Variants in CMTM4 observed in about 807,000 individuals in gnomAD.
CMTM4 encodes CKLF-like MARVEL transmembrane domain-containing protein 4.
A neutral mutation model predicts 19.0 loss-of-function variants in CMTM4; 8 were observed. The observed-to-expected ratio is 0.42, with a 90% confidence interval of 0.25 to 0.76. The LOEUF is 0.76. CMTM4 is among the 30% of genes least tolerant of loss of function. CMTM4 has a pLI of 0.27. For synonymous variants in CMTM4, 106 were observed against 121.1 expected, an observed-to-expected ratio of 0.88 and a Z score of 0.82; for missense variants, 228 against 290.2, an observed-to-expected ratio of 0.79 and a Z score of 1.56.
At chr16:66,685,865 G>A (rs1408493062) in intron 1 of CMTM4, among the ~76,000 whole-genome samples, 2 of 152,090 alleles carry the variant, frequency 1.3e-5, no homozygotes, top group East Asian at 1.9e-4. Flanking sequence ...GGCTGGTCTC[G>A]AACTCCTGAG....
intron 1 of CMTM4, among the ~76,000 whole-genome samples, chr16:66,669,322 T>C (rs1431895113): frequency 6.6e-6 from 1 of 152,162 alleles, no homozygotes; most frequent in East Asian, 1.9e-4. Flanking sequence ...TGGATGTAAC[T>C]ACAAAGAAAG....
chr16:66,651,480 T>C lies in CMTM4; in HGVS notation c.187-14899A>G, dbSNP rs181381450. Among the ~76,000 whole-genome samples the C allele has an allele frequency of 1.6e-4, 25 of 152,218 alleles. No homozygotes were observed. In the East Asian group the frequency reaches 4.8e-3, roughly 29 times the overall value. On this transcript the variant is annotated intron_variant, in intron 1 of 3. Transcript: ENST00000394106. ...CTCTGCACCAGGCACAGTCCAAACA[T>C]CTCTGATCCTCACACCCCGACTCAG...
chr16:66,689,081 G>T (rs115477145), intron 1 of CMTM4, among the ~76,000 whole-genome samples: 2 of 152,064 alleles, frequency 1.3e-5, no homozygotes, highest in East Asian at 3.9e-4. Flanking sequence ...TGCCATATGC[G>T]AATAGGGACA....
At position 66,639,320 on chromosome 16, in the gene CMTM4, T is replaced by C. The variant is rs2144816656; in HGVS notation, c.187-2739A>G. On this transcript the variant is annotated intron_variant, in intron 1 of 3. Transcript: ENST00000394106. ...GTTTCTGGTATGCTAACTTCAACCA[T>C]ATTTGTGTGGGAAGGTAACACCTAC... Among the ~76,000 whole-genome samples the C allele has an allele frequency of 2.6e-5, 4 of 152,316 alleles. 1 individual carries two copies. Among genetic ancestry groups the C allele is most frequent in the Admixed American group, 2.6e-4 (4 of 15,292 alleles).
At chr16:66,694,125 G>A (rs1427168150) in intron 1 of CMTM4, among the ~76,000 whole-genome samples, 1 of 152,026 alleles carries the variant, frequency 6.6e-6, no homozygotes, top group African/African-American at 2.4e-5. Context: ...AAAGAACAAC[G>A]CTACAACAAA....
intron 2 of CMTM4, among the ~76,000 whole-genome samples, chr16:66,623,981 C>A (rs1395113435): frequency 6.6e-6 from 1 of 152,218 alleles, no homozygotes; most frequent in African/African-American, 2.4e-5. Context: ...GTCTTTCAAG[C>A]CTCTATGTCA....
At chr16:66,660,906 CGGTG>C (rs771187532) in intron 1 of CMTM4, among the ~76,000 whole-genome samples, 16 of 152,120 alleles carry the variant, frequency 1.1e-4, no homozygotes, top group African/African-American at 3.9e-4. Context: ...GTTTACCGCA[CGGTG>C]GGGCCTGTCT....
chr16:66,610,703 CG>C (rs2144752502), downstream of CMTM4: 1 of 397,078 alleles, frequency 2.5e-6, no homozygotes, highest in East Asian at 3.6e-5. This position sits in a 1 kb window ranked among gnomAD's most constrained non-coding sequence, Gnocchi z 4.6. Context: ...CTGGACCAGG[CG>C]GATGTGCCCC....
intron 1 of CMTM4, among the ~76,000 whole-genome samples, chr16:66,650,554 T>C (rs1431431918): frequency 6.6e-6 from 1 of 152,212 alleles, no homozygotes; most frequent in African/African-American, 2.4e-5. Flanking sequence ...CTTCTCATAC[T>C]AAGCCCCATG....
At chr16:66,631,020 G>A (rs2015850044) in intron 2 of CMTM4, among the ~76,000 whole-genome samples, 1 of 150,312 alleles carries the variant, frequency 6.7e-6, no homozygotes, top group African/African-American at 2.5e-5. Flanking sequence ...CCCTCCGCCC[G>A]GCGGCCGCCC....
At chr16:66,685,083 T>C (rs183221088) in intron 1 of CMTM4, among the ~76,000 whole-genome samples, 173 of 152,304 alleles carry the variant, frequency 1.1e-3, no homozygotes, top group African/African-American at 2.4e-3. Flanking sequence ...GTCACATGAA[T>C]TGCTGTAATT....
the CMTM4 span, among the ~76,000 whole-genome samples, chr16:66,600,190 T>C: frequency 2.7e-3 from 392 of 146,196 alleles, no homozygotes; most frequent in African/African-American, 9.7e-3. Flanking sequence ...TCACCCAGGC[T>C]GGAGTGCAGT....
chr16:66,693,085 A>C (rs2017166471), intron 1 of CMTM4, among the ~76,000 whole-genome samples: 1 of 148,320 alleles, frequency 6.7e-6, no homozygotes, highest in Admixed American at 6.7e-5. Flanking sequence ...TTAGCCAGGC[A>C]TGGTGGCAGG....
the CMTM4 span, among the ~76,000 whole-genome samples, chr16:66,607,020 TG>T: frequency 1.3e-5 from 2 of 152,262 alleles, no homozygotes; most frequent in Admixed American, 1.3e-4. Context: ...TAACTCTATC[TG>T]GGGGGTCAGC....
At chr16:66,672,557 A>AATG (rs1461886191) in intron 1 of CMTM4, among the ~76,000 whole-genome samples, 2 of 151,666 alleles carry the variant, frequency 1.3e-5, no homozygotes, top group African/African-American at 4.8e-5. Flanking sequence ...TATCTCAGAA[A>AATG]ATGTAATACC....
At chr16:66,686,324 G>A (rs2017031529) in intron 1 of CMTM4, among the ~76,000 whole-genome samples, 1 of 151,266 alleles carries the variant, frequency 6.6e-6, no homozygotes, top group Non-Finnish European at 1.5e-5. Flanking sequence ...CACTTTGGGA[G>A]GCCAAGATGA....
At chr16:66,670,414 T>C (rs1242240240) in intron 1 of CMTM4, among the ~76,000 whole-genome samples, 6 of 125,274 alleles carry the variant, frequency 4.8e-5, no homozygotes, top group African/African-American at 1.9e-4. Context: ...AGATCCAACC[T>C]GGGCGACAGA....
At chr16:66,600,437 G>A in the CMTM4 span, among the ~76,000 whole-genome samples, 12 of 152,042 alleles carry the variant, frequency 7.9e-5, no homozygotes, top group African/African-American at 2.4e-4. Context: ...GAGCCACTGC[G>A]CCCAGCCCAG....
intron 1 of CMTM4, among the ~76,000 whole-genome samples, chr16:66,663,635 C>T (rs949963132): frequency 3.3e-5 from 5 of 149,434 alleles, no homozygotes; most frequent in African/African-American, 1.2e-4. Flanking sequence ...CTCCGCCTCC[C>T]GAATTCAAGC....
Sources: allele counts gnomAD v4.1 joint callset (sites outside exome capture counted in the v4.1 genomes callset), GRCh38; gene constraint gnomAD v4.1.1; non-coding constraint Gnocchi (gnomAD v3.1); transcripts MANE v1.5; gene names NCBI Gene and HGNC (gene_info 2026-07-23, HGNC 2026-07-21).